MINK1: variants seen among roughly 807,000 people sequenced by gnomAD.
MINK1 encodes misshapen-like kinase 1.
In MINK1, 46 loss-of-function variants were observed where a neutral mutation model predicts 178.4. The ratio of observed to expected loss-of-function variants is 0.26; its 90% confidence interval spans 0.20 to 0.33. The LOEUF is 0.33. Ranked by LOEUF, MINK1 falls within the 10% of genes least tolerant of loss-of-function variation. MINK1 has a pLI of 1.00. For synonymous variants in MINK1, 797 were observed against 709.7 expected, an observed-to-expected ratio of 1.12 and a Z score of -1.96; for missense variants, 1,366 against 1,814.9, an observed-to-expected ratio of 0.75 and a Z score of 4.49.
At chr17:4,867,014 A>G (rs1191054782) in intron 1 of MINK1, among the ~76,000 whole-genome samples, 1 of 149,578 alleles carries the variant, frequency 6.7e-6, no homozygotes, top group Non-Finnish European at 1.5e-5. Flanking sequence ...CGGAGCTTGT[A>G]GTGAACCGGG....
At position 4,892,142 on chromosome 17, in the gene MINK1, T is replaced by G. The variant is rs202046429; in HGVS notation, c.2002-7T>G. Reference sequence around the variant, plus strand: ...CCAGCTCGCAGCACGTGGACTTCTCTCCACAGGTGCCTCAGAGGACCTCAT... The same window carrying G: ...CCAGCTCGCAGCACGTGGACTTCTCGCCACAGGTGCCTCAGAGGACCTCAT... On this transcript the variant is annotated splice_region_variant and splice_polypyrimidine_tract_variant and intron_variant, in intron 16 of 31. Transcript: ENST00000355280. 2.4e-4 allele frequency: 376 copies of G among 1,588,620 alleles called. 1 individual carries two copies. The African/African-American group carries it at 4.6e-3, about 20-fold the overall frequency.
At chr17:4,884,827 T>C in intron 5 of MINK1, 85 bp from the exon 6 acceptor site, 2 of 1,193,616 alleles carry the variant, frequency 1.7e-6, no homozygotes, top group Non-Finnish European at 2.4e-6. Context: ...GACTGACTGC[T>C]CCTTGTCCCC....
At position 4,896,444 on chromosome 17, in the gene MINK1, A is replaced by G. The variant is rs771679125; in HGVS notation, c.3631A>G (p.Thr1211Ala). The change falls in exon 30 of 32, where the codon ACG (threonine) becomes GCG (alanine). Residue 1211 changes from threonine (T) to alanine (A), a missense_variant. This residue lies in a region of MINK1 where 201 missense variants were observed against 240.7 expected (regional missense o/e 0.84). Transcript: ENST00000355280. This position sits in a 1 kb window ranked among gnomAD's most constrained non-coding sequence, Gnocchi z 4.6. The stretch of plus-strand genomic sequence containing the variant: ...TTCTCCCCAGATCCAGAGCCAGATC[A>G]CGCCCCATGCCATCATCTTCCTCCC... ...YIPVHIQSQI[T>A]PHAIIFLPNT... 17 of 1,613,704 alleles carry G rather than the reference A, an allele frequency of 1.1e-5. No individual in the cohort carries two copies. Among genetic ancestry groups the G allele is most frequent in the African/African-American group, 1.3e-5 (1 of 74,852 alleles).
chr17:4,865,762 G>A (rs867492784), intron 1 of MINK1, among the ~76,000 whole-genome samples: 3 of 150,186 alleles, frequency 2.0e-5, no homozygotes, highest in African/African-American at 7.4e-5. Context: ...GCAGAGTGGT[G>A]TGTGTGCTTG....
intron 1 of MINK1, among the ~76,000 whole-genome samples, chr17:4,846,369 C>T (rs1053662852): frequency 6.6e-6 from 1 of 152,200 alleles, no homozygotes; most frequent in Non-Finnish European, 1.5e-5. Context: ...CCAGGAACTG[C>T]CCAATACCGA....
At chr17:4,873,866 G>A (rs1012133324) in intron 1 of MINK1, among the ~76,000 whole-genome samples, 6 of 151,814 alleles carry the variant, frequency 4.0e-5, no homozygotes, top group Non-Finnish European at 7.4e-5. Flanking sequence ...ATGATCCGGC[G>A]TTCTCAGCTT....
In MINK1 at chr17:4,894,149, G is replaced by A. The variant is rs745673500; in HGVS notation, c.2671-25G>A. The A allele has an allele frequency of 3.1e-5, 50 of 1,612,336 alleles. No individual in the cohort carries two copies. In the East Asian group the frequency reaches 3.6e-4, roughly 12 times the overall value. ...CTGTGTGTGCCCTCCTCAGCCCCAC[G>A]CCAACCCTGCCCTCTGTCCTGTAGA... is the stretch of plus-strand genomic sequence containing the variant. On this transcript the variant is annotated intron_variant, in intron 22 of 31. Coordinates refer to ENST00000355280, the MANE Select transcript of MINK1 (RefSeq NM_153827.5). This position sits in a 1 kb window ranked among gnomAD's most constrained non-coding sequence, Gnocchi z 4.1.
chr17:4,844,478 TC>T (rs1296666663), intron 1 of MINK1: 1 of 459,800 alleles, frequency 2.2e-6, no homozygotes, highest in African/African-American at 2.0e-5. Flanking sequence ...GTTACTGCCC[TC>T]CAGGAGCACT....
chr17:4,884,948 C>T lies in MINK1; in HGVS notation c.454C>T (p.Arg152Ter). The part of the protein sequence containing the change: ...AHLHAHKVIH[R>*]DIKGQNVLLT... ...TCTCCATGCCCACAAGGTGATCCAT[C>T]GAGACATCAAGGGGCAGAATGTGCT... Residue 152 changes from arginine (R) to a stop codon, truncating the protein, a stop_gained, in exon 6 of 32, where the codon CGA becomes TGA. Coordinates refer to ENST00000355280, the MANE Select transcript of MINK1 (RefSeq NM_153827.5). LOFTEE classifies it high-confidence loss of function. The T allele has an allele frequency of 6.2e-7, 1 of 1,613,968 alleles. No individual in the cohort carries two copies.
Position 4,896,825 on chromosome 17 carries a change from C to T in MINK1, c.3915+12C>T, listed in dbSNP as rs765588214. On this transcript the variant is annotated intron_variant, in intron 31 of 31. Transcript: ENST00000355280. The surrounding 1 kb of genome is among the most constrained non-coding windows in gnomAD (Gnocchi z 4.6). ...AGCGGAATGACAAGGTGGGAGGCTC[C>T]TTCCCTCTGAAAGCCCTGCTGTCCC... The T allele has an allele frequency of 1.3e-6, 2 of 1,547,008 alleles. No homozygotes were observed. Among genetic ancestry groups the T allele is most frequent in the Admixed American group, 2.0e-5 (1 of 50,834 alleles).
intron 16 of MINK1, 123 bp from the exon 17 acceptor site, chr17:4,892,026 C>A: frequency 2.4e-6 from 2 of 849,810 alleles, no homozygotes; most frequent in Non-Finnish European, 3.8e-6. Context: ...TTCACTAACT[C>A]CCCTGAACCT....
At chr17:4,858,323 G>C (rs985491247) in intron 1 of MINK1, among the ~76,000 whole-genome samples, 2 of 152,072 alleles carry the variant, frequency 1.3e-5, no homozygotes, top group African/African-American at 4.8e-5. Flanking sequence ...GGCCAGCTCA[G>C]GCTCACTGTC....
At position 4,833,822 on chromosome 17, in the gene MINK1, C is replaced by G. The variant is rs1908859238; in HGVS notation, c.57+182C>G. 6.6e-6 allele frequency among the ~76,000 whole-genome samples: 1 copy of G among 152,224 alleles called. No individual in the cohort carries two copies. Among genetic ancestry groups the G allele is most frequent in the Non-Finnish European group, 1.5e-5 (1 of 68,026 alleles). On this transcript the variant is annotated intron_variant, in intron 1 of 31. Transcript: ENST00000355280. This position sits in a 1 kb window ranked among gnomAD's most constrained non-coding sequence, Gnocchi z 4.8. ...GGGCCCCCGCCCTCTGCTCCCTTCT[C>G]TCTCCACTGGCTGCAGATGCTGGGA...
At position 4,886,975 on chromosome 17, in the gene MINK1, T is replaced by C; in HGVS notation, c.950-135T>C. ...ACACCTGAGACCCGCTGTCCTCCCA[T>C]TGCCCCCAGGAAGTGGGTGGGGCCC... On this transcript the variant is annotated intron_variant, in intron 10 of 31. Coordinates refer to ENST00000355280, the MANE Select transcript of MINK1 (RefSeq NM_153827.5). The surrounding 1 kb of genome is among the most constrained non-coding windows in gnomAD (Gnocchi z 6.1). The C allele has an allele frequency of 1.2e-6, 1 of 817,242 alleles. No homozygotes were observed. The highest frequency in any genetic ancestry group is 2.4e-5 in the Admixed American group (1 of 42,138). The allele number at this position is 817,242 out of a possible 1,614,324, so 50.6% of individuals were successfully genotyped here. A position where few individuals can be genotyped will look rare whatever the true frequency, so the allele number is the denominator to read the frequency against.
intron 1 of MINK1, among the ~76,000 whole-genome samples, chr17:4,876,798 C>T (rs569127541): frequency 1.3e-5 from 2 of 152,090 alleles, no homozygotes; most frequent in African/African-American, 2.4e-5. Flanking sequence ...TCAGAACTGT[C>T]GGCTCTGAGG....
intron 1 of MINK1, among the ~76,000 whole-genome samples, chr17:4,866,989 C>T (rs1195355402): frequency 4.0e-5 from 6 of 150,152 alleles, no homozygotes; most frequent in African/African-American, 7.3e-5. Flanking sequence ...GGGACAATGG[C>T]GTGAACCCGG....
chr17:4,860,972 C>G (rs1914080791), intron 1 of MINK1, among the ~76,000 whole-genome samples: 1 of 152,208 alleles, frequency 6.6e-6, no homozygotes, highest in South Asian at 2.1e-4. Flanking sequence ...CTCCCCTTGC[C>G]TGCCTCAGGC....
intron 1 of MINK1, among the ~76,000 whole-genome samples, chr17:4,867,331 T>C (rs1047910101): frequency 6.7e-6 from 1 of 149,528 alleles, no homozygotes; most frequent in African/African-American, 2.5e-5. Context: ...CCCTACCTCT[T>C]AGGATTTTTA....
intron 4 of MINK1, 39 bp from the exon 5 acceptor site, chr17:4,884,320 TCTGA>T (rs1292147267): frequency 2.6e-6 from 4 of 1,539,014 alleles, no homozygotes; most frequent in Admixed American, 1.7e-5. Flanking sequence ...GGAGGGCTTG[TCTGA>T]CTGATACTTT....
Sources: allele counts gnomAD v4.1 joint callset (sites outside exome capture counted in the v4.1 genomes callset), GRCh38; gene constraint gnomAD v4.1.1; regional missense constraint gnomAD v4.1.1; non-coding constraint Gnocchi (gnomAD v3.1); transcripts MANE v1.5; gene names NCBI Gene and HGNC (gene_info 2026-07-23, HGNC 2026-07-21).